The following SOX5 variants were observed in gnomAD, a reference collection of about 807,000 sequenced individuals.
SOX5 encodes the protein SRY-box transcription factor 5.
SOX5 carries 9 observed loss-of-function variants against 92.0 expected under a neutral mutation model. That is an observed-to-expected ratio of 0.10 (90% CI 0.06 to 0.17). The LOEUF (loss-of-function observed/expected upper bound fraction) is 0.17, where lower values mean the gene tolerates loss of function less well. Ranked by LOEUF, SOX5 falls within the 10% of genes least tolerant of loss-of-function variation. SOX5 has a pLI of 1.00. For synonymous variants in SOX5, 344 were observed against 336.3 expected, an observed-to-expected ratio of 1.02 and a Z score of -0.25; for missense variants, 642 against 944.5, an observed-to-expected ratio of 0.68 and a Z score of 4.20.
At chr12:23,803,865 G>A (rs949627688) in intron 3 of SOX5, among the ~76,000 whole-genome samples, 2 of 152,268 alleles carry the variant, frequency 1.3e-5, no homozygotes, top group South Asian at 4.1e-4. Context: ...AAAGTGAGGG[G>A]TTAAGAGCTT....
chr12:24,300,581 AC>A (rs1349992761), intron 2 of SOX5, among the ~76,000 whole-genome samples: 4 of 152,216 alleles, frequency 2.6e-5, no homozygotes, highest in Non-Finnish European at 4.4e-5. Context: ...CAGTCTGTGA[AC>A]CAAGAGACTT....
At chr12:24,117,197 A>G (rs553076912) in intron 4 of SOX5, among the ~76,000 whole-genome samples, 1 of 152,344 alleles carries the variant, frequency 6.6e-6, no homozygotes, top group South Asian at 2.1e-4. Context: ...AATGGCCAAT[A>G]GACATGTTTA....
intron 1 of SOX5, among the ~76,000 whole-genome samples, chr12:23,940,494 T>C (rs1262722247): frequency 1.3e-5 from 2 of 151,184 alleles, no homozygotes; most frequent in Non-Finnish European, 3.0e-5. Context: ...CAAATGTAGT[T>C]CAAAGTAATG....
chr12:23,844,860 T>G (rs2096557554), intron 3 of SOX5, among the ~76,000 whole-genome samples: 1 of 152,194 alleles, frequency 6.6e-6, no homozygotes, highest in African/African-American at 2.4e-5. Context: ...CCCTCAACAC[T>G]GCATTTTTAT....
At chr12:23,768,419 T>C (rs2094811078) in intron 3 of SOX5, among the ~76,000 whole-genome samples, 1 of 152,122 alleles carries the variant, frequency 6.6e-6, no homozygotes, top group Non-Finnish European at 1.5e-5. Context: ...CAGGGTCTCT[T>C]TTACAGAACA....
chr12:23,853,523 T>C (rs998982567), intron 2 of SOX5, among the ~76,000 whole-genome samples: 1 of 149,920 alleles, frequency 6.7e-6, no homozygotes, highest in African/African-American at 2.4e-5. Context: ...AGATGCTGCA[T>C]GGGCAAAAGT....
intron 1 of SOX5, among the ~76,000 whole-genome samples, chr12:24,439,090 A>T (rs563341167): frequency 3.2e-4 from 49 of 152,260 alleles, no homozygotes; most frequent in African/African-American, 1.1e-3. Context: ...AGCAAAAACC[A>T]CCCTGATCAA....
intron 1 of SOX5, among the ~76,000 whole-genome samples, chr12:24,554,384 C>T (rs1566458681): frequency 1.3e-5 from 2 of 152,126 alleles, no homozygotes; most frequent in South Asian, 2.1e-4. Flanking sequence ...CTCTCACAAA[C>T]GTAAGTTTGT....
At chr12:24,198,082 TTTA>T (rs1957174435) in intron 4 of SOX5, among the ~76,000 whole-genome samples, 1 of 152,176 alleles carries the variant, frequency 6.6e-6, no homozygotes, top group African/African-American at 2.4e-5. Flanking sequence ...TTCATAATTA[TTTA>T]TTATTATTAA....
intron 4 of SOX5, among the ~76,000 whole-genome samples, chr12:24,210,017 CAAAAAAAAAAAAAAAA>C (rs1173723179): frequency 1.6e-5 from 1 of 62,692 alleles, no homozygotes; most frequent in African/African-American, 6.3e-5. Context: ...GACTCCGTCT[CAAAAAAAAAAAAAAAA>C]AAAAAAAAAA....
At chr12:24,145,789 A>C (rs537109036) in intron 4 of SOX5, among the ~76,000 whole-genome samples, 3 of 152,310 alleles carry the variant, frequency 2.0e-5, no homozygotes, top group Non-Finnish European at 4.4e-5. Context: ...TACAGGTGCA[A>C]GCCACCACAT....
intron 6 of SOX5, among the ~76,000 whole-genome samples, chr12:23,712,334 A>G (rs2092131365): frequency 1.3e-5 from 2 of 152,204 alleles, no homozygotes; most frequent in Admixed American, 1.3e-4. Context: ...AACCTGGTAT[A>G]TTAAAATTTC....
In SOX5 at chr12:23,563,355, C is replaced by G. The variant is rs201094394; in HGVS notation, c.1391G>C (p.Arg464Pro). The G allele has an allele frequency of 1.9e-6, 3 of 1,613,936 alleles. No homozygotes were observed. Among genetic ancestry groups the G allele is most frequent in the South Asian group, 1.1e-5 (1 of 91,072 alleles). Reference protein sequence around the residue: ...DAVTKAIQEARQMKEQLRREQ... With the variant: ...DAVTKAIQEAPQMKEQLRREQ... ...CCGTCGGAGTTGCTCCTTCATTTGC[C>G]GAGCTTCTTGGATTGCCTTGGTGAC... The change falls in exon 11 of 15, where the codon CGG becomes CCG. Residue 464 changes from arginine (R) to proline (P), a missense_variant. Arg to Pro is a moderately radical substitution (Grantham distance 103). This residue lies in a region of SOX5 where 324 missense variants were observed against 461.6 expected (regional missense o/e 0.70). Transcript: ENST00000451604.
rs767450446 is a variant in SOX5, at chr12:23,640,877, G to A, written c.952C>T (p.Leu318=). The change falls in exon 8 of 15, where the codon CTG becomes TTG. Residue 318 remains leucine (L), a synonymous_variant. Transcript: ENST00000451604. ...AGCSDPYPVQ[L]IPTTMAAAAA... is the part of the protein sequence containing the mutation. ...GCAGCTGCCATGGTAGTTGGGATCA[G>A]CTGAACAGGGTAAGGGTCACCTAAG... The A allele has an allele frequency of 1.2e-6, 2 of 1,613,684 alleles. No homozygotes were observed. The highest frequency in any genetic ancestry group is 1.7e-6 in the Non-Finnish European group (2 of 1,179,586).
At chr12:24,140,285 T>C (rs12708363) in intron 4 of SOX5, among the ~76,000 whole-genome samples, 16,771 of 151,904 alleles carry the variant, frequency 0.11, 1,245 homozygotes, top group African/African-American at 0.2. Context: ...AGAGAGGAAG[T>C]GATGTTCAGA....
At chr12:23,680,218 T>C (rs1331185383) in intron 6 of SOX5, among the ~76,000 whole-genome samples, 1 of 146,520 alleles carries the variant, frequency 6.8e-6, no homozygotes, top group East Asian at 2.1e-4. Context: ...CCCAGCTACT[T>C]GGGAGGCTGA....
At chr12:24,447,142 A>G (rs1243485618) in intron 1 of SOX5, among the ~76,000 whole-genome samples, 1 of 152,242 alleles carries the variant, frequency 6.6e-6, no homozygotes, top group Non-Finnish European at 1.5e-5. Context: ...CCTCCTCTTG[A>G]GCAGGGGCTG....
At chr12:24,300,673 C>T (rs985990482) in intron 2 of SOX5, among the ~76,000 whole-genome samples, 3 of 152,178 alleles carry the variant, frequency 2.0e-5, no homozygotes, top group African/African-American at 7.2e-5. Context: ...AAACTATAAT[C>T]TTTCTTAAAT....
intron 4 of SOX5, among the ~76,000 whole-genome samples, chr12:24,070,959 T>A (rs922604061): frequency 2.0e-5 from 3 of 152,168 alleles, no homozygotes; most frequent in African/African-American, 7.2e-5. Context: ...GTTAGTTTTG[T>A]CTGGAACAAA....
Sources: allele counts gnomAD v4.1 joint callset (sites outside exome capture counted in the v4.1 genomes callset), GRCh38; gene constraint gnomAD v4.1.1; regional missense constraint gnomAD v4.1.1; transcripts MANE v1.5; gene names NCBI Gene and HGNC (gene_info 2026-07-23, HGNC 2026-07-21).